MGMT: variants seen among roughly 807,000 people sequenced by gnomAD.
MGMT encodes the protein O-6-methylguanine-DNA methyltransferase.
In MGMT, 14 loss-of-function variants were observed where a neutral mutation model predicts 15.9. The ratio of observed to expected loss-of-function variants is 0.88; its 90% confidence interval spans 0.58 to 1.37. The LOEUF is 1.37. Ranked by LOEUF, MGMT falls within the 40% of genes most tolerant of loss-of-function variation. The probability of loss-of-function intolerance (pLI) is 0.00; values close to 1 mark genes in which losing one functional copy is unlikely to be tolerated. For missense variants in MGMT, 282 were observed against 268.1 expected, an observed-to-expected ratio of 1.05 and a Z score of -0.36; for synonymous variants, 130 against 118.2, an observed-to-expected ratio of 1.10 and a Z score of -0.65.
At chr10:129,676,824 T>C (rs1847791656) in intron 2 of MGMT, among the ~76,000 whole-genome samples, 1 of 152,202 alleles carries the variant, frequency 6.6e-6, no homozygotes, top group Admixed American at 6.5e-5. Context: ...ACTTTACTTT[T>C]TTAGCACAGA....
At chr10:129,631,649 C>T (rs530079775) in intron 2 of MGMT, among the ~76,000 whole-genome samples, 1 of 152,062 alleles carries the variant, frequency 6.6e-6, no homozygotes, top group South Asian at 2.1e-4. Context: ...AAGGCAAAAC[C>T]CCGTCTCCAC....
At chr10:129,558,012 T>A (rs1298888831) in intron 2 of MGMT, among the ~76,000 whole-genome samples, 4 of 152,192 alleles carry the variant, frequency 2.6e-5, no homozygotes, top group East Asian at 3.8e-4. Context: ...TGATCTTCCC[T>A]CTGGACAGCT....
chr10:129,658,580 T>C (rs1302754065), intron 2 of MGMT, among the ~76,000 whole-genome samples: 1 of 152,242 alleles, frequency 6.6e-6, no homozygotes, highest in Non-Finnish European at 1.5e-5. Context: ...TCTAATATCA[T>C]GCTTTGAGAA....
At chr10:129,562,172 A>C (rs567190959) in intron 2 of MGMT, among the ~76,000 whole-genome samples, 1 of 152,332 alleles carries the variant, frequency 6.6e-6, no homozygotes, top group Non-Finnish European at 1.5e-5. Flanking sequence ...ATTCATGACC[A>C]AAATCCTTCA....
At chr10:129,538,724 C>T (rs1185349425) in intron 2 of MGMT, among the ~76,000 whole-genome samples, 1 of 152,104 alleles carries the variant, frequency 6.6e-6, no homozygotes. Flanking sequence ...CAACCTCCGC[C>T]TCCTGGGTTC....
intron 1 of MGMT, among the ~76,000 whole-genome samples, chr10:129,520,989 C>T (rs868427708): frequency 6.6e-6 from 1 of 150,444 alleles, no homozygotes; most frequent in Non-Finnish European, 1.5e-5. Context: ...AGAGCCCCTA[C>T]GGTGCGCGTA....
rs562715311 is a variant in MGMT at position 129,601,601 on chromosome 10, C to T, written c.125+65224C>T. ...CCTCATCCTAGCACCACCTCGAGAT[C>T]GATTCAGGCCTCCCCAGCAGTGGCA... On this transcript the variant is annotated intron_variant, in intron 2 of 4. Transcript: ENST00000651593. Among the ~76,000 whole-genome samples, 7 of 152,274 alleles carry T rather than the reference C, an allele frequency of 4.6e-5. No homozygotes were observed. In the East Asian group the frequency reaches 7.7e-4, roughly 17 times the overall value.
intron 2 of MGMT, among the ~76,000 whole-genome samples, chr10:129,672,402 T>C (rs1173189843): frequency 6.6e-6 from 1 of 152,240 alleles, no homozygotes; most frequent in African/African-American, 2.4e-5. Context: ...AGTTTCAGAA[T>C]GTTCTCATCT....
chr10:129,719,642 G>A (rs1208729042), intron 3 of MGMT, among the ~76,000 whole-genome samples: 1 of 152,108 alleles, frequency 6.6e-6, no homozygotes, highest in Non-Finnish European at 1.5e-5. Flanking sequence ...CCCCTTCTTA[G>A]AAGGACACCA....
chr10:129,685,906 A>G (rs1015716091), intron 2 of MGMT, among the ~76,000 whole-genome samples: 13 of 152,312 alleles, frequency 8.5e-5, no homozygotes, highest in Admixed American at 5.9e-4. Context: ...TTTATGTGCA[A>G]CTGTATTTAA....
intron 2 of MGMT, among the ~76,000 whole-genome samples, chr10:129,560,298 T>C (rs1045647152): frequency 1.3e-5 from 2 of 152,224 alleles, no homozygotes; most frequent in Admixed American, 6.5e-5. Context: ...GTATATGATA[T>C]AGAACACGTT....
intron 1 of MGMT, among the ~76,000 whole-genome samples, chr10:129,529,949 G>T (rs892298479): frequency 6.6e-6 from 1 of 151,918 alleles, no homozygotes; most frequent in Non-Finnish European, 1.5e-5. Context: ...TACCCAGGCT[G>T]GAGTGCAGTG....
intron 1 of MGMT, among the ~76,000 whole-genome samples, chr10:129,469,622 C>T (rs879930043): frequency 2.6e-5 from 4 of 152,180 alleles, no homozygotes; most frequent in East Asian, 1.9e-4. Context: ...GCTGTTGCTA[C>T]GGTCCTTCCT....
chr10:129,610,532 A>C (rs148995345), intron 2 of MGMT, among the ~76,000 whole-genome samples: 308 of 152,298 alleles, frequency 2.0e-3, no homozygotes, highest in Non-Finnish European at 3.3e-3. Flanking sequence ...GCGATTCCTC[A>C]TGCCCCTCAT....
At chr10:129,655,741 C>T (rs1029269615) in intron 2 of MGMT, among the ~76,000 whole-genome samples, 1 of 152,176 alleles carries the variant, frequency 6.6e-6, no homozygotes, top group Non-Finnish European at 1.5e-5. Context: ...GTTGTCGTTA[C>T]GTGAGCAGGA....
chr10:129,637,428 A>G (rs1257952520), intron 2 of MGMT, among the ~76,000 whole-genome samples: 1 of 152,194 alleles, frequency 6.6e-6, no homozygotes, highest in Non-Finnish European at 1.5e-5. Flanking sequence ...TGCTCAACAC[A>G]GGCTGGTTTC....
intron 2 of MGMT, among the ~76,000 whole-genome samples, chr10:129,573,593 A>G (rs1020370601): frequency 2.6e-5 from 4 of 151,440 alleles, no homozygotes; most frequent in African/African-American, 9.7e-5. Flanking sequence ...TTTCATCTCT[A>G]TTTATTTATT....
At chr10:129,564,818 C>G (rs1340247559) in intron 2 of MGMT, among the ~76,000 whole-genome samples, 1 of 151,738 alleles carries the variant, frequency 6.6e-6, no homozygotes, top group African/African-American at 2.4e-5. Flanking sequence ...ACTGGCTCTT[C>G]TAGGAGGCCT....
chr10:129,578,434 C>CA (rs1479619163), intron 2 of MGMT, among the ~76,000 whole-genome samples: 1 of 147,006 alleles, frequency 6.8e-6, no homozygotes, highest in Non-Finnish European at 1.5e-5. Flanking sequence ...ATTGCAAGGA[C>CA]AAAAAACCAA....
Sources: gnomAD v4.1 joint callset for allele counts (sites outside exome capture counted in the v4.1 genomes callset) on GRCh38, gnomAD v4.1.1 for gene constraint, MANE v1.5 for transcripts, NCBI Gene and HGNC (gene_info 2026-07-23, HGNC 2026-07-21) for gene names.